ODR4: variants seen among roughly 807,000 people sequenced by gnomAD.
The protein encoded by ODR4 is protein odr-4 homolog.
A neutral mutation model predicts 60.2 loss-of-function variants in ODR4; 47 were observed. The ratio of observed to expected loss-of-function variants is 0.78; its 90% CI spans 0.62 to 1.00. ODR4 has a LOEUF of 1.00. Ranked by LOEUF, ODR4 falls within the 50% of genes least tolerant of loss-of-function variation. The pLI is 0.00. For synonymous variants in ODR4, 178 were observed against 175.5 expected, an observed-to-expected ratio of 1.01 and a Z score of -0.11; for missense variants, 488 against 530.8, an observed-to-expected ratio of 0.92 and a Z score of 0.79.
chr1:186,379,969 G>T, intron 2 of ODR4, 85 bp downstream of exon 2: 1 of 786,456 alleles, frequency 1.3e-6, no homozygotes, highest in Non-Finnish European at 1.9e-6. Context: ...AAAGTTAAAA[G>T]ATGCTATTTA....
chr1:186,401,544 T>C (rs1277971869), intron 11 of ODR4: 1 of 180,080 alleles, frequency 5.6e-6, no homozygotes, highest in African/African-American at 2.4e-5. Flanking sequence ...TCTCTTTCTC[T>C]TTCTTTCTCC....
chr1:186,390,985 A>G, intron 7 of ODR4, 134 bp downstream of exon 7: 1 of 938,826 alleles, frequency 1.1e-6, no homozygotes, highest in Non-Finnish European at 1.5e-6. Context: ...TGAGTAACTT[A>G]TTACCGCAGC....
the ODR4 span, among the ~76,000 whole-genome samples, chr1:186,431,505 G>A: frequency 2.6e-5 from 4 of 152,182 alleles, no homozygotes; most frequent in African/African-American, 9.7e-5. Context: ...TTAGTTTAAT[G>A]ATGGCCACAA....
At chr1:186,403,320 A>G (rs992374172) in intron 11 of ODR4, among the ~76,000 whole-genome samples, 11 of 152,072 alleles carry the variant, frequency 7.2e-5, no homozygotes, top group African/African-American at 2.7e-4. Context: ...ATGTTTTGTT[A>G]CAATCATGTG....
chr1:186,384,365 CAAGCCATTA>C (rs1660164892), intron 3 of ODR4, among the ~76,000 whole-genome samples: 1 of 151,990 alleles, frequency 6.6e-6, no homozygotes, highest in South Asian at 2.1e-4. Flanking sequence ...AGGATGGAAC[CAAGCCATTA>C]ATGAGGGATC....
At chr1:186,382,453 CAA>C (rs1305775698) in intron 2 of ODR4, among the ~76,000 whole-genome samples, 1 of 151,692 alleles carries the variant, frequency 6.6e-6, no homozygotes, top group African/African-American at 2.4e-5. Context: ...CACACACACA[CAA>C]AGAACAAAAA....
chr1:186,390,783 G>A lies in ODR4; in HGVS notation c.547G>A (p.Val183Ile), dbSNP rs1660439223. 1 of 1,612,638 alleles carries A rather than the reference G, an allele frequency of 6.2e-7. No homozygotes were observed. Among genetic ancestry groups the A allele is most frequent in the Non-Finnish European group, 8.5e-7 (1 of 1,178,992 alleles). ...SSSWLSLECT[V>I]HINIHIPLSA... ...CTCATGGCTTTCTTTAGAGTGTACA[G>A]TTCACATTAATATTCACATCCCACT... Residue 183 changes from valine (V) to isoleucine (I), a missense_variant, in exon 7 of 14, where the codon GTT becomes ATT. Transcript: ENST00000287859.
intron 12 of ODR4, among the ~76,000 whole-genome samples, chr1:186,413,535 C>G (rs1330417135): frequency 2.6e-5 from 4 of 152,086 alleles, no homozygotes; most frequent in African/African-American, 9.7e-5. Context: ...TAGTCATCTC[C>G]TAGTAGATGT....
At chr1:186,426,203 C>G (rs1661877277), downstream of ODR4, among the ~76,000 whole-genome samples, 1 of 152,138 alleles carries the variant, frequency 6.6e-6, no homozygotes, top group South Asian at 2.1e-4. Context: ...CAAGTGGCAC[C>G]CTATTTCTAG....
chr1:186,378,561 G>A (rs3115761), intron 1 of ODR4, among the ~76,000 whole-genome samples: 95,985 of 151,990 alleles, frequency 0.63, 30,387 homozygotes, highest in Non-Finnish European at 0.65. Context: ...CAGACCAGAG[G>A]GAAAACAGAG....
In ODR4 at chr1:186,384,077, T is replaced by C. The variant is rs182351382; in HGVS notation, c.234+921T>C. On this transcript the variant is annotated intron_variant, in intron 3 of 13. Coordinates refer to ENST00000287859, the MANE Select transcript of ODR4 (RefSeq NM_017847.6). ...GAAGAAATCCAGTATTTAATTATTA[T>C]TGTTTTAGTCTGTTTGGGTGGCTAT... Among the ~76,000 whole-genome samples the C allele has an allele frequency of 4.9e-3, 741 of 152,242 alleles. 5 individuals carry two copies. The highest frequency in any genetic ancestry group is 0.014 in the Middle Eastern group (4 of 294).
At chr1:186,384,709 A>G (rs1375927163) in intron 3 of ODR4, among the ~76,000 whole-genome samples, 1 of 152,104 alleles carries the variant, frequency 6.6e-6, no homozygotes, top group Non-Finnish European at 1.5e-5. Flanking sequence ...TCCATCTCCT[A>G]AAAAATGGTT....
chr1:186,430,994 T>G, the ODR4 span, among the ~76,000 whole-genome samples: 2 of 152,136 alleles, frequency 1.3e-5, no homozygotes, highest in East Asian at 3.9e-4. Context: ...AGAAACAAGA[T>G]AGATGACTGT....
Position 186,379,760 on chromosome 1 carries a change from G to A in ODR4, c.-19-7G>A, listed in dbSNP as rs371215205. ...TAAATGCTGTATCTTTTCTTCTTGT[G>A]ATATAGGAGATTTTAGTTCCTAAAA... On this transcript the variant is annotated splice_region_variant and splice_polypyrimidine_tract_variant and intron_variant, in intron 1 of 13. Transcript: ENST00000287859. 702 of 1,390,608 alleles carry A rather than the reference G, an allele frequency of 5.0e-4. No individual in the cohort carries two copies. Among genetic ancestry groups the A allele is most frequent in the Non-Finnish European group, 5.9e-4 (595 of 1,002,924 alleles). The allele number at this position is 1,390,608 out of a possible 1,614,324, so 86.1% of individuals were successfully genotyped here.
chr1:186,431,279 C>T, the ODR4 span, among the ~76,000 whole-genome samples: 1,015 of 152,124 alleles, frequency 6.7e-3, 14 homozygotes, highest in African/African-American at 0.022. Flanking sequence ...AGAAGTATTG[C>T]AAAGAATGGA....
chr1:186,430,678 A>G, the ODR4 span, among the ~76,000 whole-genome samples: 2 of 152,138 alleles, frequency 1.3e-5, no homozygotes, highest in East Asian at 3.8e-4. Flanking sequence ...TAAGTAGTTA[A>G]TAATTATGGA....
chr1:186,418,721 G>A (rs1227362477), intron 13 of ODR4, among the ~76,000 whole-genome samples: 1 of 152,110 alleles, frequency 6.6e-6, no homozygotes, highest in African/African-American at 2.4e-5. Context: ...ATTTATATAA[G>A]CCCTTTAAAG....
chr1:186,405,549 A>ATTTTAT (rs1298169607), intron 11 of ODR4, among the ~76,000 whole-genome samples: 2 of 151,956 alleles, frequency 1.3e-5, no homozygotes, highest in African/African-American at 4.8e-5. Context: ...TGATAAGTTT[A>ATTTTAT]TTTTATTTTT....
rs113929451 is a variant in ODR4 at position 186,396,052 on chromosome 1, C to T, written c.780+2037C>T. On this transcript the variant is annotated intron_variant, in intron 9 of 13. Transcript: ENST00000287859. ...ATCATGTCTTTGCTCTTTTCTCTGTCACCCAAACTGTCAAAATCCTATCTG... is the reference window on the plus strand; with the variant it reads ...ATCATGTCTTTGCTCTTTTCTCTGTTACCCAAACTGTCAAAATCCTATCTG... Among the ~76,000 whole-genome samples, 333 of 152,292 alleles carry T rather than the reference C, an allele frequency of 2.2e-3. 4 individuals carry two copies. Among genetic ancestry groups the T allele is most frequent in the African/African-American group, 7.5e-3 (313 of 41,548 alleles).
Sources: gnomAD v4.1 joint callset for allele counts (sites outside exome capture counted in the v4.1 genomes callset) on GRCh38, gnomAD v4.1.1 for gene constraint, MANE v1.5 for transcripts, NCBI Gene and HGNC (gene_info 2026-07-23, HGNC 2026-07-21) for gene names.